The following FRMD4B variants were observed in gnomAD, a reference collection of about 807,000 sequenced individuals.
FRMD4B encodes FERM domain-containing protein 4B.
Under a neutral mutation model 141.5 loss-of-function variants are expected in FRMD4B, and 74 were observed. The observed-to-expected ratio is 0.52, with a 90% CI of 0.43 to 0.63. FRMD4B has a LOEUF of 0.63. Among genes scored for constraint, FRMD4B ranks in the 30% least tolerant of loss-of-function variants. The probability of loss-of-function intolerance (pLI) is 0.00; values close to 1 mark genes in which losing one functional copy is unlikely to be tolerated. For synonymous variants in FRMD4B, 506 were observed against 467.9 expected, an observed-to-expected ratio of 1.08 and a Z score of -1.05; for missense variants, 1,366 against 1,253.4, an observed-to-expected ratio of 1.09 and a Z score of -1.36.
chr3:69,215,891 C>A (rs772101287), intron 11 of FRMD4B, among the ~76,000 whole-genome samples: 1 of 151,458 alleles, frequency 6.6e-6, no homozygotes, highest in Non-Finnish European at 1.5e-5. Context: ...TTGTGGCTCA[C>A]GCCTATAATC....
chr3:69,513,771 T>C (rs55953536), intron 1 of FRMD4B, among the ~76,000 whole-genome samples: 2,217 of 152,228 alleles, frequency 0.015, 63 homozygotes, highest in African/African-American at 0.05. Context: ...AAATTACTAC[T>C]GTATATTACA....
At chr3:69,238,968 T>C (rs920244344) in intron 7 of FRMD4B, among the ~76,000 whole-genome samples, 2 of 152,218 alleles carry the variant, frequency 1.3e-5, no homozygotes, top group African/African-American at 2.4e-5. Flanking sequence ...GACATACTTA[T>C]ACTAAAAAAT....
At chr3:69,304,712 C>T (rs1031123623) in intron 3 of FRMD4B, among the ~76,000 whole-genome samples, 1 of 152,076 alleles carries the variant, frequency 6.6e-6, no homozygotes, top group African/African-American at 2.4e-5. Flanking sequence ...CCGAGCTTGT[C>T]CAACTAGTCC....
intron 4 of FRMD4B, among the ~76,000 whole-genome samples, chr3:69,290,053 T>G (rs375293372): frequency 1.2e-4 from 18 of 152,158 alleles, no homozygotes; most frequent in Admixed American, 3.9e-4. Flanking sequence ...TTATATTAAT[T>G]TTGTCTCAGC....
chr3:69,195,347 C>T lies in FRMD4B; in HGVS notation c.1252G>A (p.Val418Ile), dbSNP rs188780512. The change falls in exon 15 of 23, where the codon GTT becomes ATT. Residue 418 changes from valine to isoleucine, a missense_variant. Val to Ile is a conservative substitution (Grantham distance 29, BLOSUM62 3). Transcript: ENST00000398540. ...TTTTCTCTCTTTTGCTCTTCACTAA[C>T]TTCTGAGTCTTGAGAACCTAGGGGA... is the stretch of plus-strand genomic sequence containing the variant. ...LISSGSQDSEVSEEQKREKIL... is the reference protein window; with the variant it reads ...LISSGSQDSEISEEQKREKIL... 3.6e-4 allele frequency: 577 copies of T among 1,611,838 alleles called. 1 individual carries two copies. The highest frequency in any genetic ancestry group is 1.7e-3 in the African/African-American group (124 of 74,794).
chr3:69,172,222 T>C (rs543541590), intron 22 of FRMD4B, among the ~76,000 whole-genome samples: 3 of 152,368 alleles, frequency 2.0e-5, no homozygotes, highest in African/African-American at 7.2e-5. Flanking sequence ...TTGTTTAACT[T>C]GTGTTTCATT....
chr3:69,404,313 A>C (rs965499660), intron 2 of FRMD4B, among the ~76,000 whole-genome samples: 8 of 152,226 alleles, frequency 5.3e-5, no homozygotes, highest in African/African-American at 1.7e-4. Context: ...AAAAAATAAA[A>C]TTAAATAAAT....
At chr3:69,311,978 T>C (rs917117757) in intron 2 of FRMD4B, among the ~76,000 whole-genome samples, 9 of 152,190 alleles carry the variant, frequency 5.9e-5, no homozygotes, top group Admixed American at 5.2e-4. Context: ...TGATGTTACA[T>C]TGTTAGTAAG....
At chr3:69,362,936 T>C (rs929262279) in intron 1 of FRMD4B, among the ~76,000 whole-genome samples, 2 of 151,976 alleles carry the variant, frequency 1.3e-5, no homozygotes, top group African/African-American at 4.8e-5. Flanking sequence ...ACAATTCTTC[T>C]ATAAGTCCTG....
In FRMD4B at chr3:69,385,859, C is replaced by T. The variant is rs1328865929; in HGVS notation, c.131G>A (p.Arg44Gln). Reference sequence around the variant, plus strand: ...CACGTCCTGCAGCCCGCACCACGTCCGCAGCACCTGGTGGCAAGCCCGCAG... The same window carrying T: ...CACGTCCTGCAGCCCGCACCACGTCTGCAGCACCTGGTGGCAAGCCCGCAG... ...ERLRACHQVL[R>Q]TWCGLQDVYQ... Residue 44 changes from arginine to glutamine, a missense_variant, in exon 1 of 23, where the codon CGG (arginine) becomes CAG (glutamine). By Grantham distance (43) the Arg-to-Gln change is conservative (BLOSUM62 1). Transcript: ENST00000398540. 1.3e-6 allele frequency: 2 copies of T among 1,597,374 alleles called. No individual in the cohort carries two copies. The highest frequency in any genetic ancestry group is 1.7e-5 in the Admixed American group (1 of 57,980).
At chr3:69,402,033 T>A (rs773357804) in intron 2 of FRMD4B, among the ~76,000 whole-genome samples, 1 of 152,256 alleles carries the variant, frequency 6.6e-6, no homozygotes, top group Non-Finnish European at 1.5e-5. Context: ...CAGCCTCCTG[T>A]CTCAGCATAT....
chr3:69,185,559 C>T (rs2092757540), intron 19 of FRMD4B, among the ~76,000 whole-genome samples: 1 of 152,118 alleles, frequency 6.6e-6, no homozygotes, highest in Non-Finnish European at 1.5e-5. Context: ...TCTAGGCTAC[C>T]TAGGTTCAAA....
chr3:69,510,994 T>G (rs897493238), intron 1 of FRMD4B, among the ~76,000 whole-genome samples: 1 of 152,232 alleles, frequency 6.6e-6, no homozygotes, highest in Non-Finnish European at 1.5e-5. Flanking sequence ...TGTGGGGTCA[T>G]TTATAAATAG....
At chr3:69,263,076 T>C (rs1433853915) in intron 5 of FRMD4B, among the ~76,000 whole-genome samples, 2 of 151,920 alleles carry the variant, frequency 1.3e-5, no homozygotes, top group Non-Finnish European at 2.9e-5. Flanking sequence ...CTGACCAATA[T>C]GGTGAAACCC....
chr3:69,472,265 T>C, intron 1 of FRMD4B: 1 of 341,904 alleles, frequency 2.9e-6, no homozygotes, highest in South Asian at 3.0e-5. Flanking sequence ...GCCTTCCTTG[T>C]TGGCTGTTGT....
chr3:69,536,129 C>T (rs1701081426), intron 1 of FRMD4B: 1 of 492,032 alleles, frequency 2.0e-6, no homozygotes, highest in East Asian at 4.4e-5. Flanking sequence ...TGTGGCTGCA[C>T]CTGGCTTGGG....
At chr3:69,400,576 G>A (rs924606892) in intron 2 of FRMD4B, among the ~76,000 whole-genome samples, 6 of 152,168 alleles carry the variant, frequency 3.9e-5, no homozygotes, top group Non-Finnish European at 5.9e-5. Context: ...CCACTGGGGT[G>A]CAATGGTTGA....
intron 1 of FRMD4B, among the ~76,000 whole-genome samples, chr3:69,365,787 C>T (rs72940765): frequency 0.22 from 33,237 of 151,764 alleles, 4,578 homozygotes; most frequent in African/African-American, 0.39. Context: ...TGTGAGCCAC[C>T]GCACTCAGCT....
chr3:69,246,963 A>T (rs757374641), intron 7 of FRMD4B, among the ~76,000 whole-genome samples: 3 of 152,168 alleles, frequency 2.0e-5, no homozygotes, highest in Non-Finnish European at 4.4e-5. Context: ...TCCCTAAGGA[A>T]GGTTTGTGAA....
Sources: allele counts gnomAD v4.1 joint callset (sites outside exome capture counted in the v4.1 genomes callset), GRCh38; gene constraint gnomAD v4.1.1; transcripts MANE v1.5; gene names NCBI Gene and HGNC (gene_info 2026-07-23, HGNC 2026-07-21).